The following ATP2B2 variants were observed in gnomAD, a reference collection of about 807,000 sequenced individuals.
ATP2B2 encodes the protein plasma membrane calcium-transporting ATPase 2.
In ATP2B2, 15 loss-of-function variants were observed where a neutral mutation model predicts 120.0. The observed-to-expected ratio is 0.12, with a 90% confidence interval of 0.08 to 0.19. The LOEUF (loss-of-function observed/expected upper bound fraction) is 0.19, where lower values mean the gene tolerates loss of function less well. Among genes scored for constraint, ATP2B2 ranks in the 10% least tolerant of loss-of-function variants. ATP2B2 has a pLI of 1.00. For missense variants in ATP2B2, 1,045 were observed against 1,719.8 expected (o/e 0.61, Z 6.94); for synonymous variants, 694 against 700.3 (o/e 0.99, Z 0.14).
At chr3:10,552,562 T>A (rs529877794) in intron 2 of ATP2B2, among the ~76,000 whole-genome samples, 4 of 152,336 alleles carry the variant, frequency 2.6e-5, no homozygotes, top group African/African-American at 9.6e-5. Flanking sequence ...GAGCAACAGC[T>A]ATGTGCTGGG....
rs1013776462 is a variant in ATP2B2, at chr3:10,327,397, T to C, written c.*1417A>G. Reference sequence around the variant, plus strand: ...CTCAATATACACATCATAAGGTTCATTCGGATCTAAATAGTGCAGAGAAAA... The same window carrying C: ...CTCAATATACACATCATAAGGTTCACTCGGATCTAAATAGTGCAGAGAAAA... On this transcript the variant is annotated 3_prime_UTR_variant, in exon 23 of 23. Coordinates refer to ENST00000360273, the MANE Select transcript of ATP2B2 (RefSeq NM_001001331.4). 2.0e-5 allele frequency: 3 copies of C among 152,686 alleles called. No homozygotes were observed. The highest frequency in any genetic ancestry group is 2.9e-5 in the Non-Finnish European group (2 of 68,072). The allele number at this position is 152,686 out of a possible 1,614,324, so 9.5% of individuals were successfully genotyped here.
intron 3 of ATP2B2, among the ~76,000 whole-genome samples, chr3:10,522,452 T>C (rs924194721): frequency 1.3e-5 from 2 of 152,230 alleles, no homozygotes; most frequent in Admixed American, 1.3e-4. Context: ...CCATCATGCC[T>C]ATCTCCCTTC....
At chr3:10,404,245 G>A (rs1448222452) in intron 3 of ATP2B2, among the ~76,000 whole-genome samples, 3 of 152,190 alleles carry the variant, frequency 2.0e-5, no homozygotes, top group Non-Finnish European at 4.4e-5. Context: ...AGTAAACAAT[G>A]CCATCATGTG....
chr3:10,511,087 G>T (rs1156638239), intron 3 of ATP2B2, among the ~76,000 whole-genome samples: 1 of 152,126 alleles, frequency 6.6e-6, no homozygotes, highest in African/African-American at 2.4e-5. Flanking sequence ...CCCACAGTGG[G>T]TCTTTGTTGC....
intron 3 of ATP2B2, among the ~76,000 whole-genome samples, chr3:10,523,023 G>C (rs920668630): frequency 1.3e-5 from 2 of 152,242 alleles, no homozygotes; most frequent in African/African-American, 4.8e-5. Context: ...ACTCTTCAAA[G>C]TGAAGGTCAC....
chr3:10,473,386 C>A (rs1232180085), intron 1 of ATP2B2, among the ~76,000 whole-genome samples: 2 of 152,300 alleles, frequency 1.3e-5, no homozygotes, highest in East Asian at 3.9e-4. Context: ...AATCCCAGCA[C>A]TTTGGGAGGC....
chr3:10,454,745 A>G (rs1032767561), intron 1 of ATP2B2, among the ~76,000 whole-genome samples: 6 of 152,196 alleles, frequency 3.9e-5, no homozygotes, highest in African/African-American at 1.4e-4. Context: ...AGGACCCCAT[A>G]GTTTGCCTAG....
At chr3:10,391,835 C>G (rs2124901665) in intron 5 of ATP2B2, among the ~76,000 whole-genome samples, 1 of 152,352 alleles carries the variant, frequency 6.6e-6, no homozygotes, top group African/African-American at 2.4e-5. Flanking sequence ...TCAGTGTCCC[C>G]TGGATGAGAC....
At position 10,449,877 on chromosome 3, in the gene ATP2B2, C is replaced by T. The variant is rs1461873845; in HGVS notation, c.-319-15G>A. On this transcript the variant is annotated splice_polypyrimidine_tract_variant and intron_variant, in intron 1 of 22. Coordinates refer to ENST00000360273, the MANE Select transcript of ATP2B2 (RefSeq NM_001001331.4). The stretch of plus-strand genomic sequence containing the variant: ...GGTGGTGGCTCCTGTGGGACAAGCA[C>T]AGAGTGAGTGACAAAGGCCAGGCAC... 1 of 406,824 alleles carries T rather than the reference C, an allele frequency of 2.5e-6. No individual in the cohort carries two copies. The highest frequency in any genetic ancestry group is 2.0e-5 in the African/African-American group (1 of 48,842). 25.2% of individuals were successfully genotyped at this position (406,824 alleles called of 1,614,324 possible). A position where few individuals can be genotyped will look rare whatever the true frequency, so the allele number is the denominator to read the frequency against.
chr3:10,367,341 G>A (rs2061092636), intron 12 of ATP2B2, among the ~76,000 whole-genome samples: 1 of 152,068 alleles, frequency 6.6e-6, no homozygotes, highest in Admixed American at 6.6e-5. Flanking sequence ...GTGGTGAGCA[G>A]CGACCCTGGT....
chr3:10,649,388 C>T (rs2070395551), intron 1 of ATP2B2, among the ~76,000 whole-genome samples: 1 of 152,160 alleles, frequency 6.6e-6, no homozygotes, highest in African/African-American at 2.4e-5. Context: ...CCTAAAGGGT[C>T]CCATAAGCCC....
chr3:10,410,784 C>T lies in ATP2B2; in HGVS notation c.231G>A (p.Lys77=), dbSNP rs1221907020. The part of the protein sequence containing the change: ...GLPGTAPDLE[K]RKQIFGQNFI... Reference sequence around the variant, plus strand: ...AGTTTTGCCCAAAAATTTGCTTTCTCTTTTCCAGGTCTGGAGCGGTGCCCG... The same window carrying T: ...AGTTTTGCCCAAAAATTTGCTTTCTTTTTTCCAGGTCTGGAGCGGTGCCCG... Residue 77 remains lysine, a synonymous_variant, in exon 3 of 23, where the codon AAG becomes AAA. Coordinates refer to ENST00000360273, the MANE Select transcript of ATP2B2 (RefSeq NM_001001331.4). 6.2e-7 allele frequency: 1 copy of T among 1,614,156 alleles called. No individual in the cohort carries two copies.
At chr3:10,359,677 T>C (rs984008996) in intron 13 of ATP2B2, among the ~76,000 whole-genome samples, 3 of 152,196 alleles carry the variant, frequency 2.0e-5, no homozygotes, top group Non-Finnish European at 2.9e-5. Flanking sequence ...GAAAACACAG[T>C]GGCCAAGGGG....
Position 10,343,420 on chromosome 3 carries a change from C to T in ATP2B2, c.2704-455G>A, listed in dbSNP as rs540181822. ...TCCCCCACCCCCCCAATGTCTCCTCCCCTCTTATCCCGCCTTACCTTAAAA... is the reference window on the plus strand; with the variant it reads ...TCCCCCACCCCCCCAATGTCTCCTCTCCTCTTATCCCGCCTTACCTTAAAA... On this transcript the variant is annotated intron_variant, in intron 18 of 22. Coordinates refer to ENST00000360273, the MANE Select transcript of ATP2B2 (RefSeq NM_001001331.4). This position sits in a 1 kb window ranked among gnomAD's most constrained non-coding sequence, Gnocchi z 4.2. 2.6e-5 allele frequency among the ~76,000 whole-genome samples: 4 copies of T among 151,566 alleles called. No individual in the cohort carries two copies. The highest frequency in any genetic ancestry group is 5.9e-5 in the Non-Finnish European group (4 of 67,890).
intron 2 of ATP2B2, among the ~76,000 whole-genome samples, chr3:10,591,844 C>T (rs2068651684): frequency 6.6e-6 from 1 of 152,178 alleles, no homozygotes; most frequent in Non-Finnish European, 1.5e-5. Flanking sequence ...TCCTGACCTT[C>T]AATTCCTGAC....
At chr3:10,400,103 C>G (rs1222390538) in intron 5 of ATP2B2, among the ~76,000 whole-genome samples, 2 of 152,228 alleles carry the variant, frequency 1.3e-5, no homozygotes, top group Non-Finnish European at 2.9e-5. Flanking sequence ...TTTGGGCGTC[C>G]CTGTGAAAAG....
intron 1 of ATP2B2, among the ~76,000 whole-genome samples, chr3:10,481,551 ATTATT>A (rs570865252): frequency 7.8e-4 from 119 of 152,124 alleles, no homozygotes; most frequent in African/African-American, 2.7e-3. Flanking sequence ...ATTTTATTTT[ATTATT>A]TTATTTTATT....
chr3:10,335,086 T>C (rs946721453), intron 22 of ATP2B2, among the ~76,000 whole-genome samples: 3 of 151,566 alleles, frequency 2.0e-5, no homozygotes, highest in Admixed American at 2.0e-4. Context: ...CAGCAATGAG[T>C]GATCTAGATC....
Position 10,346,413 on chromosome 3 carries a change from G to A in ATP2B2, c.2405-276C>T, listed in dbSNP as rs1303020663. ...CCCTCTTTGCTGTCTGCAACCTGTG[G>A]CCACATTGGCATCCATCCTAACCAG... is the stretch of plus-strand genomic sequence containing the variant. On this transcript the variant is annotated intron_variant, in intron 16 of 22. Coordinates refer to ENST00000360273, the MANE Select transcript of ATP2B2 (RefSeq NM_001001331.4). The surrounding 1 kb of genome is among the most constrained non-coding windows in gnomAD (Gnocchi z 4.1). Among the ~76,000 whole-genome samples the A allele has an allele frequency of 6.6e-6, 1 of 152,218 alleles. No individual in the cohort carries two copies.
Sources: gnomAD v4.1 joint callset for allele counts (sites outside exome capture counted in the v4.1 genomes callset) on GRCh38, gnomAD v4.1.1 for gene constraint, Gnocchi (gnomAD v3.1) non-coding constraint, MANE v1.5 for transcripts, NCBI Gene and HGNC (gene_info 2026-07-23, HGNC 2026-07-21) for gene names.